AHI1: variants seen among roughly 807,000 people sequenced by gnomAD.
AHI1 encodes the protein Abelson helper integration site 1.
Under a neutral mutation model 149.3 loss-of-function variants are expected in AHI1, and 123 were observed. That is an observed-to-expected ratio of 0.82 (90% confidence interval 0.71 to 0.96). The LOEUF (loss-of-function observed/expected upper bound fraction) is 0.96. Among genes scored for constraint, AHI1 ranks in the 40% least tolerant of loss-of-function variants. The probability of loss-of-function intolerance (pLI) is 0.00; values close to 1 mark genes in which losing one functional copy is unlikely to be tolerated. For synonymous variants in AHI1, 475 were observed against 459.8 expected (o/e 1.03, Z -0.42); for missense variants, 1,439 against 1,422.7 (o/e 1.01, Z -0.18).
At chr6:135,380,043 CCT>C (rs752700411) in intron 23 of AHI1, among the ~76,000 whole-genome samples, 1 of 146,568 alleles carries the variant, frequency 6.8e-6, no homozygotes, top group Non-Finnish European at 1.5e-5. Context: ...TCCCTCCCTC[CCT>C]CTCTTTCTTC....
chr6:135,412,560 T>C lies in AHI1; in HGVS notation c.2765-1016A>G, dbSNP rs79540404. On this transcript the variant is annotated intron_variant, in intron 20 of 28. Transcript: ENST00000265602. The stretch of plus-strand genomic sequence containing the variant: ...ATGTTCTGATGATGACTGATCATGA[T>C]GATGATGATAATGAGCATGGTAGCA... Among the ~76,000 whole-genome samples, 1,438 of 152,342 alleles carry C rather than the reference T, an allele frequency of 9.4e-3. 35 individuals carry two copies. Among genetic ancestry groups the C allele is most frequent in the African/African-American group, 0.033 (1,376 of 41,588 alleles).
chr6:135,323,406 A>C, intron 24 of AHI1, 82 bp from the exon 25 acceptor site: 1 of 1,468,644 alleles, frequency 6.8e-7, no homozygotes. Context: ...CTCTTGCAGA[A>C]GAGCAGCTGA....
At chr6:135,430,205 G>T (rs1784457895) in intron 17 of AHI1, among the ~76,000 whole-genome samples, 1 of 151,890 alleles carries the variant, frequency 6.6e-6, no homozygotes, top group Admixed American at 6.6e-5. Context: ...TATGCAATGT[G>T]CAAATGCACA....
intron 23 of AHI1, among the ~76,000 whole-genome samples, chr6:135,361,499 C>T (rs952832330): frequency 6.6e-6 from 1 of 151,952 alleles, no homozygotes; most frequent in South Asian, 2.1e-4. Flanking sequence ...TAGCCATTTT[C>T]TTTTAGAAAA....
intron 5 of AHI1, among the ~76,000 whole-genome samples, chr6:135,479,873 G>C (rs113286016): frequency 6.6e-6 from 1 of 152,074 alleles, no homozygotes; most frequent in Non-Finnish European, 1.5e-5. Context: ...CTTCCCTCTT[G>C]CTGTTCTCAT....
At chr6:135,402,436 C>G (rs1041359376) in intron 22 of AHI1, among the ~76,000 whole-genome samples, 1 of 152,124 alleles carries the variant, frequency 6.6e-6, no homozygotes, top group African/African-American at 2.4e-5. Context: ...ATAAACTGAT[C>G]AAATATAACA....
Position 135,288,579 on chromosome 6 carries a change from CTA to C in AHI1, c.3588+1842_3588+1843del, listed in dbSNP as rs200260683. On this transcript the variant is annotated intron_variant, in intron 28 of 28. Coordinates refer to ENST00000265602, the MANE Select transcript of AHI1 (RefSeq NM_001134831.2). ...TGTCTTTTGATGTATATTATATAAA[CTA>C]TTTTATAATCATTTTTTACTTAAAA... Among the ~76,000 whole-genome samples, 537 of 151,972 alleles carry C rather than the reference CTA, an allele frequency of 3.5e-3. 11 individuals are homozygous for C. Among genetic ancestry groups the C allele is most frequent in the African/African-American group, 0.012 (494 of 41,384 alleles).
chr6:135,300,817 A>G (rs1783779373), intron 26 of AHI1: 3 of 97,020 alleles, frequency 3.1e-5, no homozygotes, highest in Non-Finnish European at 5.1e-5. Context: ...GTATGTGACC[A>G]AAAAAAAAAA....
chr6:135,357,678 TA>T (rs1031022937), intron 24 of AHI1, among the ~76,000 whole-genome samples: 5 of 152,248 alleles, frequency 3.3e-5, no homozygotes, highest in Non-Finnish European at 5.9e-5. Context: ...ATTCAGAGAC[TA>T]AAAGGGAAAT....
chr6:135,350,174 T>C (rs1280738290), intron 24 of AHI1, among the ~76,000 whole-genome samples: 1 of 152,210 alleles, frequency 6.6e-6, no homozygotes, highest in Non-Finnish European at 1.5e-5. Context: ...CTATTTTCCA[T>C]CTCCTCTCAT....
intron 26 of AHI1, chr6:135,301,117 T>C: frequency 1.0e-6 from 1 of 985,300 alleles, no homozygotes; most frequent in Non-Finnish European, 1.2e-6. Flanking sequence ...GGATACTTCC[T>C]TTAGAATCTG....
At chr6:135,434,216 T>G (rs1785059089) in intron 15 of AHI1, among the ~76,000 whole-genome samples, 1 of 151,984 alleles carries the variant, frequency 6.6e-6, no homozygotes, top group Non-Finnish European at 1.5e-5. Context: ...ACAGTTTCTA[T>G]TCAAGAAAAA....
chr6:135,356,952 A>AT (rs1463434101), intron 24 of AHI1, among the ~76,000 whole-genome samples: 1 of 152,060 alleles, frequency 6.6e-6, no homozygotes, highest in Admixed American at 6.5e-5. Context: ...TTATTTATTT[A>AT]TTTTTGAGAT....
At chr6:135,457,112 C>T (rs138372997) in intron 9 of AHI1, among the ~76,000 whole-genome samples, 4 of 152,044 alleles carry the variant, frequency 2.6e-5, no homozygotes, top group African/African-American at 4.8e-5. Flanking sequence ...GGCCAAACCC[C>T]GCCTCCACTA....
At chr6:135,430,993 T>C (rs1784571604) in intron 17 of AHI1, among the ~76,000 whole-genome samples, 1 of 151,990 alleles carries the variant, frequency 6.6e-6, no homozygotes, top group Non-Finnish European at 1.5e-5. Flanking sequence ...AAAAGTGAAA[T>C]TAACACCTGG....
intron 13 of AHI1, among the ~76,000 whole-genome samples, chr6:135,445,583 T>C (rs1221414681): frequency 4.6e-5 from 7 of 152,144 alleles, no homozygotes. Context: ...ATTCTTTTTC[T>C]TTTTAAAGAG....
At chr6:135,470,762 GAAC>G (rs781156589) in intron 5 of AHI1, among the ~76,000 whole-genome samples, 8 of 151,992 alleles carry the variant, frequency 5.3e-5, no homozygotes, top group Non-Finnish European at 8.8e-5. Context: ...ACAGGGAGAG[GAAC>G]AACAAACACT....
intron 5 of AHI1, among the ~76,000 whole-genome samples, chr6:135,473,815 TACAC>T (rs1792148781): frequency 2.0e-5 from 3 of 152,212 alleles, no homozygotes; most frequent in African/African-American, 7.2e-5. Context: ...AATTGGTTTT[TACAC>T]ATTGACCATA....
At chr6:135,363,302 C>T (rs1204480895) in intron 23 of AHI1, among the ~76,000 whole-genome samples, 7 of 151,124 alleles carry the variant, frequency 4.6e-5, no homozygotes, top group Admixed American at 3.9e-4. Context: ...CATCTTGCAC[C>T]GCCCTTAATC....
Sources: gnomAD v4.1 joint callset for allele counts (sites outside exome capture counted in the v4.1 genomes callset) on GRCh38, gnomAD v4.1.1 for gene constraint, MANE v1.5 for transcripts, NCBI Gene and HGNC (gene_info 2026-07-23, HGNC 2026-07-21) for gene names.